STARD9: variants seen among roughly 807,000 people sequenced by gnomAD.
The protein encoded by STARD9 is StAR related lipid transfer domain containing 9.
A neutral mutation model predicts 399.8 loss-of-function variants in STARD9; 346 were observed. The ratio of observed to expected loss-of-function variants is 0.87; its 90% CI spans 0.79 to 0.95. STARD9 has a LOEUF of 0.95. Ranked by LOEUF, STARD9 falls within the 40% of genes least tolerant of loss-of-function variation. The pLI is 0.00. For synonymous variants in STARD9, 2,203 were observed against 2,143.5 expected (o/e 1.03, Z -0.77); for missense variants, 5,832 against 5,667.5 (o/e 1.03, Z -0.93).
rs1170267977 is a variant in STARD9 at position 42,688,817 on chromosome 15, C to T, written c.7239C>T (p.Ser2413=). The change falls in exon 23 of 33, where the codon TCC becomes TCT. Residue 2413 remains serine (S), a synonymous_variant. Transcript: ENST00000290607. ...AHTAWCGSVR[S]MAMGSHSQSG... ...CTGCCTGGTGTGGGTCTGTGCGATC[C>T]ATGGCCATGGGATCTCATAGTCAAT... The T allele has an allele frequency of 6.5e-7, 1 of 1,537,364 alleles. No homozygotes were observed. Among genetic ancestry groups the T allele is most frequent in the Non-Finnish European group, 8.7e-7 (1 of 1,146,936 alleles).
intron 3 of STARD9, among the ~76,000 whole-genome samples, chr15:42,607,651 T>TACACACACACAC (rs10655556): frequency 0.015 from 2,211 of 143,726 alleles, 53 homozygotes; most frequent in African/African-American, 0.054. Context: ...CACACACTTA[T>TACACACACACAC]ACACACACAC....
At chr15:42,598,618 G>A (rs1017367847) in intron 3 of STARD9, among the ~76,000 whole-genome samples, 1 of 151,898 alleles carries the variant, frequency 6.6e-6, no homozygotes, top group African/African-American at 2.4e-5. Flanking sequence ...TACATATTTT[G>A]GGGGTACATG....
At chr15:42,669,020 C>T (rs906633226) in intron 15 of STARD9, 138 bp from the exon 16 acceptor site, 2 of 640,414 alleles carry the variant, frequency 3.1e-6, no homozygotes, top group Non-Finnish European at 2.4e-6. Flanking sequence ...ACAAGGGCTT[C>T]TGTGGGGCTT....
chr15:42,577,535 A>G (rs990982236), intron 1 of STARD9, among the ~76,000 whole-genome samples: 1 of 152,238 alleles, frequency 6.6e-6, no homozygotes, highest in Non-Finnish European at 1.5e-5. Context: ...AGTAGAGAAT[A>G]ACATACCAAA....
At chr15:42,615,089 A>T (rs190551061) in intron 3 of STARD9, among the ~76,000 whole-genome samples, 1,497 of 146,950 alleles carry the variant, frequency 0.01, 34 homozygotes, top group African/African-American at 0.036. Context: ...GCTCACTGCC[A>T]TCTCTGTCTC....
chr15:42,670,124 AGAAGATTTGAAAGTTTT>A (rs2140140347), intron 16 of STARD9: 1 of 152,328 alleles, frequency 6.6e-6, no homozygotes, highest in East Asian at 1.9e-4. Flanking sequence ...AAGGGAATTC[AGAAGATTTGAAAGTTTT>A]CTTCTGACAC....
intron 15 of STARD9, 63 bp downstream of exon 15, chr15:42,665,911 G>A: frequency 7.2e-7 from 1 of 1,389,722 alleles, no homozygotes. Context: ...CATTATTCCG[G>A]AGCTAGGTAG....
intron 13 of STARD9, among the ~76,000 whole-genome samples, 186 bp from the exon 14 acceptor site, chr15:42,665,067 G>A (rs1344336131): frequency 6.6e-6 from 1 of 152,108 alleles, no homozygotes; most frequent in Non-Finnish European, 1.5e-5. Flanking sequence ...GGGCCAAACT[G>A]TGCGTTTCTA....
chr15:42,685,471 A>C lies in STARD9; in HGVS notation c.3893A>C (p.Glu1298Ala). ...QPHCELQPHCELQPHCEQAES... is the reference protein window; with the variant it reads ...QPHCELQPHCALQPHCEQAES... Reference sequence around the variant, plus strand: ...CATTGTGAGCTCCAACCCCATTGTGAGCTCCAGCCCCATTGTGAGCAGGCT... The same window carrying C: ...CATTGTGAGCTCCAACCCCATTGTGCGCTCCAGCCCCATTGTGAGCAGGCT... Residue 1298 changes from glutamate to alanine, a missense_variant, in exon 23 of 33, where the codon GAG becomes GCG. By Grantham distance (107) the Glu-to-Ala change is moderately radical. This residue lies in a region of STARD9 where 5,828 missense variants were observed against 5,651.1 expected (regional missense o/e 1.03). Transcript: ENST00000290607. The C allele has an allele frequency of 6.5e-7, 1 of 1,531,006 alleles. No individual in the cohort carries two copies. Among genetic ancestry groups the C allele is most frequent in the Non-Finnish European group, 8.7e-7 (1 of 1,143,828 alleles). 94.8% of individuals were successfully genotyped at this position (1,531,006 alleles called of 1,614,324 possible). A position where few individuals can be genotyped will look rare whatever the true frequency, so the allele number is the denominator to read the frequency against.
intron 7 of STARD9, among the ~76,000 whole-genome samples, chr15:42,647,993 T>C (rs2059678634): frequency 6.6e-6 from 1 of 152,226 alleles, no homozygotes; most frequent in Non-Finnish European, 1.5e-5. Context: ...ATAAACCTTT[T>C]GGACCTTATA....
chr15:42,675,993 ATACTGATGTGGAACC>A lies in STARD9; in HGVS notation c.1874+24_1874+38del, dbSNP rs2060303860. The A allele has an allele frequency of 7.4e-7, 1 of 1,357,032 alleles. No homozygotes were observed. The highest frequency in any genetic ancestry group is 2.3e-5 in the Admixed American group (1 of 44,252). 84.1% of individuals were successfully genotyped at this position (1,357,032 alleles called of 1,614,324 possible). On this transcript the variant is annotated intron_variant, in intron 20 of 32. Coordinates refer to ENST00000290607, the MANE Select transcript of STARD9 (RefSeq NM_020759.3). ...AAGGAAAGGTAAGAAATAGCTGCTT[ATACTGATGTGGAACC>A]TACTGGGTTCGCTTCTTAGTCCATG...
At chr15:42,646,832 C>T (rs1253552572) in intron 7 of STARD9, among the ~76,000 whole-genome samples, 3 of 152,166 alleles carry the variant, frequency 2.0e-5, no homozygotes, top group Non-Finnish European at 4.4e-5. Context: ...TAAACTTCAG[C>T]GTTTCTAGCT....
rs1326289769 is a variant in STARD9, at chr15:42,689,682, A to G, written c.8104A>G (p.Ile2702Val). The change falls in exon 23 of 33, where the codon ATA (isoleucine) becomes GTA (valine). Residue 2702 changes from isoleucine to valine, a missense_variant. Physicochemically the swap from Ile to Val is conservative, Grantham distance 29 (BLOSUM62 3). This residue lies in a region of STARD9 where 5,828 missense variants were observed against 5,651.1 expected (regional missense o/e 1.03). Coordinates refer to ENST00000290607, the MANE Select transcript of STARD9 (RefSeq NM_020759.3). The part of the protein sequence containing the change: ...FICHSSSSEI[I>V]EKKKDATRTP... Reference sequence around the variant, plus strand: ...ATGTCACTCTAGTTCTTCTGAAATCATAGAGAAAAAGAAAGATGCAACCAG... The same window carrying G: ...ATGTCACTCTAGTTCTTCTGAAATCGTAGAGAAAAAGAAAGATGCAACCAG... 2.0e-6 allele frequency: 3 copies of G among 1,537,824 alleles called. No homozygotes were observed. Among genetic ancestry groups the G allele is most frequent in the South Asian group, 2.4e-5 (2 of 84,058 alleles).
In STARD9 at chr15:42,600,341, T is replaced by C. The variant is rs186977162; in HGVS notation, c.234+14704T>C. Among the ~76,000 whole-genome samples, 4 of 152,268 alleles carry C rather than the reference T, an allele frequency of 2.6e-5. No homozygotes were observed. In the South Asian group the frequency reaches 6.2e-4, roughly 24 times the overall value. On this transcript the variant is annotated intron_variant, in intron 3 of 32. Coordinates refer to ENST00000290607, the MANE Select transcript of STARD9 (RefSeq NM_020759.3). Reference sequence around the variant, plus strand: ...TAATTTGGAGGAGCTATGAGGACTTTTAACCTGAGGAGAGGAAGCAGTGTA... The same window carrying C: ...TAATTTGGAGGAGCTATGAGGACTTCTAACCTGAGGAGAGGAAGCAGTGTA...
At chr15:42,664,821 CA>C (rs1171484912) in intron 13 of STARD9, among the ~76,000 whole-genome samples, 13 of 151,074 alleles carry the variant, frequency 8.6e-5, no homozygotes, top group South Asian at 4.2e-4. Flanking sequence ...CACACACACA[CA>C]CACCCCATAC....
At chr15:42,581,604 C>A in intron 1 of STARD9, 1 of 692,732 alleles carries the variant, frequency 1.4e-6, no homozygotes, top group Non-Finnish European at 2.5e-6. Context: ...TCGCTCGCTT[C>A]CTCTAGTTCC....
rs527587932 is a variant in STARD9 at position 42,694,206 on chromosome 15, G to A, written c.12628G>A (p.Val4210Met). 1.0e-4 allele frequency: 156 copies of A among 1,535,836 alleles called. No individual in the cohort carries two copies. Among genetic ancestry groups the A allele is most frequent in the African/African-American group, 7.2e-4 (53 of 73,150 alleles). ...QVGAQNLSLS[V>M]ELTEAKLHHG... ...TGGGGCCCAGAACCTCTCACTCAGC[G>A]TGGAACTCACAGAAGCGAAACTGCA... Residue 4210 changes from valine to methionine, a missense_variant, in exon 23 of 33, where the codon GTG becomes ATG. Coordinates refer to ENST00000290607, the MANE Select transcript of STARD9 (RefSeq NM_020759.3).
intron 1 of STARD9, among the ~76,000 whole-genome samples, chr15:42,576,711 G>C (rs2058064238): frequency 6.6e-6 from 1 of 152,156 alleles, no homozygotes; most frequent in African/African-American, 2.4e-5. Flanking sequence ...TTGATAATTG[G>C]GCAGAAGGAT....
intron 26 of STARD9, among the ~76,000 whole-genome samples, chr15:42,705,142 G>A (rs534046998): frequency 1.3e-5 from 2 of 152,170 alleles, no homozygotes; most frequent in Admixed American, 1.3e-4. Context: ...GGGCTCTAAG[G>A]CAAAGTCCCA....
Sources: gnomAD v4.1 joint callset for allele counts (sites outside exome capture counted in the v4.1 genomes callset) on GRCh38, gnomAD v4.1.1 for gene constraint, gnomAD v4.1.1 regional missense constraint, MANE v1.5 for transcripts, NCBI Gene and HGNC (gene_info 2026-07-23, HGNC 2026-07-21) for gene names.